TCF7L2: variants seen among roughly 807,000 people sequenced by gnomAD.
TCF7L2 encodes the protein transcription factor 7 like 2, also known as transcription factor 7-like 2.
TCF7L2 carries 23 observed loss-of-function variants against 77.9 expected under a neutral mutation model. The observed-to-expected ratio is 0.30, with a 90% CI of 0.21 to 0.42. The LOEUF is 0.42. Among genes scored for constraint, TCF7L2 ranks in the 10% least tolerant of loss-of-function variants. TCF7L2 has a pLI of 1.00. For missense variants in TCF7L2, 654 were observed against 793.1 expected (o/e 0.82, Z 2.11); for synonymous variants, 413 against 340.2 (o/e 1.21, Z -2.36).
intron 5 of TCF7L2, among the ~76,000 whole-genome samples, chr10:113,116,622 G>T (rs970925606): frequency 2.0e-5 from 3 of 152,218 alleles, no homozygotes; most frequent in African/African-American, 4.8e-5. Flanking sequence ...ACTGTAAATT[G>T]AAACATTTCT....
At chr10:112,985,885 T>TGTGTGTGC (rs1489770226) in intron 4 of TCF7L2, among the ~76,000 whole-genome samples, 3 of 152,024 alleles carry the variant, frequency 2.0e-5, no homozygotes, top group Non-Finnish European at 2.9e-5. Context: ...TGTGTGTGTG[T>TGTGTGTGC]GTGTGTGCAT....
At chr10:113,079,314 C>CG (rs2059066989) in intron 5 of TCF7L2, among the ~76,000 whole-genome samples, 1 of 152,198 alleles carries the variant, frequency 6.6e-6, no homozygotes, top group Admixed American at 6.5e-5. Flanking sequence ...ATTTGCCACA[C>CG]GGACTCCTGC....
intron 5 of TCF7L2, among the ~76,000 whole-genome samples, chr10:113,042,066 C>T (rs1275955376): frequency 6.6e-6 from 1 of 152,182 alleles, no homozygotes; most frequent in Non-Finnish European, 1.5e-5. Flanking sequence ...GGGGTTTGTC[C>T]ATTTGGATAG....
intron 5 of TCF7L2, among the ~76,000 whole-genome samples, chr10:113,134,296 G>A (rs1157841553): frequency 6.6e-6 from 1 of 152,206 alleles, no homozygotes; most frequent in Non-Finnish European, 1.5e-5. Context: ...AGTCATGACT[G>A]CTGTTTTTAT....
intron 11 of TCF7L2, among the ~76,000 whole-genome samples, chr10:113,153,860 G>A (rs1016241492): frequency 2.6e-5 from 4 of 152,226 alleles, no homozygotes; most frequent in African/African-American, 7.2e-5. Flanking sequence ...CTGCTCTGAT[G>A]AGTAATTTCA....
In TCF7L2 at chr10:112,983,423, C is replaced by T. The variant is rs537183124; in HGVS notation, c.450+18799C>T. Among the ~76,000 whole-genome samples, 7 of 152,032 alleles carry T rather than the reference C, an allele frequency of 4.6e-5. No homozygotes were observed. In the South Asian group the frequency reaches 1.0e-3, roughly 23 times the overall value. ...CTGGGAGGTGGAGCTTGCAGTGAGCCGAGATCGCGCCACTGCACTCCAGCC... is the reference window on the plus strand; with the variant it reads ...CTGGGAGGTGGAGCTTGCAGTGAGCTGAGATCGCGCCACTGCACTCCAGCC... On this transcript the variant is annotated intron_variant, in intron 4 of 13. Transcript: ENST00000627217.
chr10:113,080,355 A>C (rs901064229), intron 5 of TCF7L2, among the ~76,000 whole-genome samples: 1 of 151,820 alleles, frequency 6.6e-6, no homozygotes, highest in Non-Finnish European at 1.5e-5. Context: ...AGCAGAAGGC[A>C]TTGTGGATGC....
intron 4 of TCF7L2, among the ~76,000 whole-genome samples, chr10:112,965,389 G>C (rs1021963237): frequency 6.6e-6 from 1 of 152,214 alleles, no homozygotes. Flanking sequence ...TCGTCTGTCT[G>C]CCTGGCCTTG....
rs1201021145 is a variant in TCF7L2 at position 113,166,060 on chromosome 10, T to C, written c.*88T>C. The C allele has an allele frequency of 7.7e-7, 1 of 1,302,218 alleles. No individual in the cohort carries two copies. The highest frequency in any genetic ancestry group is 1.0e-6 in the Non-Finnish European group (1 of 988,252). 80.7% of individuals were successfully genotyped at this position (1,302,218 alleles called of 1,614,324 possible). On this transcript the variant is annotated 3_prime_UTR_variant, in exon 14 of 14. Transcript: ENST00000627217. ...CCCACCCCCACCTTGAAAGGTTTTG[T>C]TTTGTACTCTCTTAATTTTGTGCCA...
At chr10:113,020,603 A>C (rs1225605140) in intron 4 of TCF7L2, among the ~76,000 whole-genome samples, 1 of 152,218 alleles carries the variant, frequency 6.6e-6, no homozygotes, top group Non-Finnish European at 1.5e-5. Flanking sequence ...GGCGGGGTGC[A>C]TTCCTGTAAT....
At chr10:113,132,746 C>A (rs2066796749) in intron 5 of TCF7L2, 1 of 152,166 alleles carries the variant, frequency 6.6e-6, no homozygotes, top group Admixed American at 6.5e-5. Flanking sequence ...TATGTTAACG[C>A]TAATCATTTA....
At chr10:113,014,605 C>T (rs952133815) in intron 4 of TCF7L2, among the ~76,000 whole-genome samples, 5 of 151,762 alleles carry the variant, frequency 3.3e-5, no homozygotes, top group African/African-American at 4.8e-5. Flanking sequence ...ACCAACATGG[C>T]GAAACCCCGT....
intron 5 of TCF7L2, among the ~76,000 whole-genome samples, chr10:113,098,583 G>A (rs941171314): frequency 6.6e-6 from 1 of 152,066 alleles, no homozygotes; most frequent in Non-Finnish European, 1.5e-5. Flanking sequence ...GCGGGAGCCT[G>A]TAGTCCCAGC....
At chr10:112,971,567 C>T (rs1363064301) in intron 4 of TCF7L2, among the ~76,000 whole-genome samples, 1 of 151,572 alleles carries the variant, frequency 6.6e-6, no homozygotes, top group Non-Finnish European at 1.5e-5. Context: ...GCCTTGGCCT[C>T]CCAAAGTGCT....
intron 4 of TCF7L2, among the ~76,000 whole-genome samples, chr10:112,982,543 C>T (rs142033852): frequency 4.6e-5 from 7 of 152,056 alleles, no homozygotes; most frequent in South Asian, 2.1e-4. Flanking sequence ...TCTTTTTTTC[C>T]CCGCTTGCTT....
At chr10:112,977,417 A>T (rs1292502695) in intron 4 of TCF7L2, among the ~76,000 whole-genome samples, 34 of 152,188 alleles carry the variant, frequency 2.2e-4, no homozygotes, top group Admixed American at 2.2e-3. Context: ...ATCTTGAGGA[A>T]CAGAGAGCAT....
At chr10:113,021,238 T>C (rs1272066231) in intron 4 of TCF7L2, among the ~76,000 whole-genome samples, 1 of 152,186 alleles carries the variant, frequency 6.6e-6, no homozygotes, top group East Asian at 1.9e-4. Flanking sequence ...TGAAAACTCA[T>C]CCGGAAAATG....
chr10:113,161,023 G>A (rs1173273734), intron 13 of TCF7L2, among the ~76,000 whole-genome samples: 5 of 152,192 alleles, frequency 3.3e-5, no homozygotes, highest in South Asian at 2.1e-4. Context: ...TTGGTGGCCC[G>A]GGTACTGAGC....
At chr10:112,990,734 T>A (rs924760502) in intron 4 of TCF7L2, among the ~76,000 whole-genome samples, 67 of 151,872 alleles carry the variant, frequency 4.4e-4, no homozygotes, top group African/African-American at 1.5e-3. Context: ...AAATAAAAAA[T>A]AAAAAAAATT....
Sources: gnomAD v4.1 joint callset for allele counts (sites outside exome capture counted in the v4.1 genomes callset) on GRCh38, gnomAD v4.1.1 for gene constraint, MANE v1.5 for transcripts, NCBI Gene and HGNC (gene_info 2026-07-23, HGNC 2026-07-21) for gene names.